Variants in CIB4 observed in about 807,000 individuals in gnomAD.
CIB4 encodes calcium and integrin-binding family member 4.
Under a neutral mutation model 25.8 loss-of-function variants are expected in CIB4, and 25 were observed. That is an observed-to-expected ratio of 0.97 (90% CI 0.71 to 1.35). CIB4 has a LOEUF of 1.35. CIB4 is among the 40% of genes most tolerant of loss of function. CIB4 has a pLI of 0.00. For missense variants in CIB4, 235 were observed against 228.2 expected (o/e 1.03, Z -0.19); for synonymous variants, 75 against 81.4 (o/e 0.92, Z 0.42).
chr2:26,588,959 C>A lies in CIB4; in HGVS notation c.329-5061G>T. Among the ~76,000 whole-genome samples, 2 of 150,708 alleles carry A rather than the reference C, an allele frequency of 1.3e-5. 1 individual carries two copies. The highest frequency in any genetic ancestry group is 3.0e-5 in the Non-Finnish European group (2 of 67,738). ...GTGTGGCTGTCCCTGCTGGCTGCTGCCGCTGCTGCCGCTTCTTCTTTCTTC... is the reference window on the plus strand; with the variant it reads ...GTGTGGCTGTCCCTGCTGGCTGCTGACGCTGCTGCCGCTTCTTCTTTCTTC... On this transcript the variant is annotated intron_variant, in intron 4 of 6. Transcript: ENST00000288861.
chr2:26,588,983 T>C (rs1325294131), intron 4 of CIB4, among the ~76,000 whole-genome samples: 4 of 7,502 alleles, frequency 5.3e-4, no homozygotes, highest in Admixed American at 2.8e-3. Flanking sequence ...TCTTCTTTCT[T>C]CTTCTTCTTC....
intron 2 of CIB4, among the ~76,000 whole-genome samples, chr2:26,635,413 C>A (rs1669513659): frequency 6.6e-6 from 1 of 152,186 alleles, no homozygotes; most frequent in Admixed American, 6.5e-5. Flanking sequence ...AGCCAGCCTC[C>A]CTGCAAAGGT....
intron 3 of CIB4, among the ~76,000 whole-genome samples, chr2:26,611,560 A>G (rs1280608084): frequency 1.3e-5 from 2 of 152,232 alleles, no homozygotes; most frequent in Non-Finnish European, 2.9e-5. Flanking sequence ...TTATCATTTT[A>G]ATGATTGCGT....
At chr2:26,584,238 G>C (rs980836082) in intron 4 of CIB4, among the ~76,000 whole-genome samples, 1 of 152,186 alleles carries the variant, frequency 6.6e-6, no homozygotes, top group Non-Finnish European at 1.5e-5. Context: ...TGCAGCACCA[G>C]GAAGTGGAAG....
chr2:26,593,357 T>C (rs1290235165), intron 4 of CIB4, among the ~76,000 whole-genome samples: 2 of 151,656 alleles, frequency 1.3e-5, no homozygotes, highest in African/African-American at 2.4e-5. Flanking sequence ...CATATATACA[T>C]ATACATATAT....
At position 26,624,523 on chromosome 2, in the gene CIB4, G is replaced by A. The variant is rs1026411997; in HGVS notation, c.186+4887C>T. On this transcript the variant is annotated intron_variant, in intron 3 of 6. Transcript: ENST00000288861. ...CAAACGGAGAACAATACGGACAAAA[G>A]GGGGTGTGTCTGAAAACACTCGAGG... Among the ~76,000 whole-genome samples, 25 of 152,236 alleles carry A rather than the reference G, an allele frequency of 1.6e-4. 1 individual carries two copies. The East Asian group carries it at 4.4e-3, about 27-fold the overall frequency.
At chr2:26,583,380 C>T (rs537966251) in intron 5 of CIB4, among the ~76,000 whole-genome samples, 1 of 152,150 alleles carries the variant, frequency 6.6e-6, no homozygotes. Context: ...CTCCAGGACA[C>T]CTGGGCACTG....
At chr2:26,589,250 T>C (rs1021959831) in intron 4 of CIB4, among the ~76,000 whole-genome samples, 4 of 146,424 alleles carry the variant, frequency 2.7e-5, no homozygotes, top group African/African-American at 1.0e-4. Flanking sequence ...TACTTCTCCT[T>C]CCTCCTATTC....
intron 3 of CIB4, among the ~76,000 whole-genome samples, chr2:26,601,231 A>AAAAAAAAAATATATAT (rs1395827334): frequency 1.2e-4 from 2 of 17,234 alleles, no homozygotes; most frequent in African/African-American, 1.5e-4. Flanking sequence ...AAAAAAAAAA[A>AAAAAAAAAATATATAT]ATATATATAT....
At chr2:26,601,845 C>T (rs1005731500) in intron 3 of CIB4, among the ~76,000 whole-genome samples, 8 of 152,108 alleles carry the variant, frequency 5.3e-5, no homozygotes, top group East Asian at 1.9e-4. Flanking sequence ...AATGAAACAA[C>T]GTGGATGATT....
At chr2:26,589,803 G>A (rs1043856206) in intron 4 of CIB4, among the ~76,000 whole-genome samples, 2 of 152,154 alleles carry the variant, frequency 1.3e-5, no homozygotes, top group African/African-American at 2.4e-5. Context: ...CAAAAATGCC[G>A]GGTGGGGCTT....
chr2:26,638,813 G>T (rs774796295), intron 2 of CIB4, among the ~76,000 whole-genome samples: 1 of 152,102 alleles, frequency 6.6e-6, no homozygotes, highest in Non-Finnish European at 1.5e-5. Flanking sequence ...TTTGCCGGGC[G>T]TGGTGGCAGG....
In CIB4 at chr2:26,583,818, C is replaced by T. The variant is rs187789006; in HGVS notation, c.409G>A (p.Glu137Lys). The change falls in exon 5 of 7, where the codon GAG (glutamate) becomes AAG (lysine). Residue 137 changes from glutamate (E) to lysine (K), a missense_variant. Physicochemically the swap from Glu to Lys is moderately conservative, Grantham distance 56 (BLOSUM62 1). Transcript: ENST00000288861. ...TTCGTGAGGTCCATCAGGAGGTCCTCAGACATGTCATCACTGTTCAGCAGT... is the reference window on the plus strand; with the variant it reads ...TTCGTGAGGTCCATCAGGAGGTCCTTAGACATGTCATCACTGTTCAGCAGT... ...LRLLNSDDMS[E>K]DLLMDLTNHV... 1.2e-4 allele frequency: 198 copies of T among 1,612,452 alleles called. 1 individual carries two copies. The East Asian group carries it at 3.7e-3, about 30-fold the overall frequency.
intron 3 of CIB4, among the ~76,000 whole-genome samples, chr2:26,615,565 A>G (rs1184219056): frequency 1.6e-5 from 2 of 123,682 alleles, no homozygotes; most frequent in East Asian, 4.3e-4. Flanking sequence ...TGGGAAAGCT[A>G]AAACTAGAGC....
intron 3 of CIB4, among the ~76,000 whole-genome samples, chr2:26,620,367 C>A (rs1239660364): frequency 6.6e-6 from 1 of 152,206 alleles, no homozygotes; most frequent in African/African-American, 2.4e-5. Flanking sequence ...GTTCTAGACA[C>A]CCCCACCCCC....
rs1031678976 is a variant in CIB4 at position 26,589,126 on chromosome 2, T to C, written c.329-5228A>G. Among the ~76,000 whole-genome samples, 8 of 136,986 alleles carry C rather than the reference T, an allele frequency of 5.8e-5. No homozygotes were observed. In the East Asian group the frequency reaches 1.3e-3, roughly 22 times the overall value. 89.9% of individuals were successfully genotyped at this position (136,986 alleles called of 152,430 possible). A position where few individuals can be genotyped will look rare whatever the true frequency, so the allele number is the denominator to read the frequency against. On this transcript the variant is annotated intron_variant, in intron 4 of 6. Coordinates refer to ENST00000288861, the MANE Select transcript of CIB4 (RefSeq NM_001029881.3). The stretch of plus-strand genomic sequence containing the variant: ...CTTCTTCCTCTTCTTCTTCTTCTTC[T>C]TCTTCTTCTTCTTCTCCTTCCCCTT...
At chr2:26,608,283 G>A (rs1016694267) in intron 3 of CIB4, among the ~76,000 whole-genome samples, 49 of 151,704 alleles carry the variant, frequency 3.2e-4, no homozygotes, top group Admixed American at 3.0e-3. Flanking sequence ...TGAGAAGGGG[G>A]TGAGAAGGGG....
chr2:26,584,496 C>T (rs747955795), intron 4 of CIB4, among the ~76,000 whole-genome samples: 3 of 152,208 alleles, frequency 2.0e-5, no homozygotes, highest in Non-Finnish European at 4.4e-5. Context: ...GACAATGGTC[C>T]TTGTAGACTG....
intron 3 of CIB4, among the ~76,000 whole-genome samples, chr2:26,617,147 T>TGTGTGTGTGTGTGTGTGTGCGC (rs10665609): frequency 8.0e-5 from 12 of 150,532 alleles, no homozygotes; most frequent in African/African-American, 2.9e-4. Flanking sequence ...TGTGTGTGTG[T>TGTGTGTGTGTGTGTGTGTGCGC]GCACGTGAGC....
Sources: gnomAD v4.1 joint callset for allele counts (sites outside exome capture counted in the v4.1 genomes callset) on GRCh38, gnomAD v4.1.1 for gene constraint, MANE v1.5 for transcripts, NCBI Gene and HGNC (gene_info 2026-07-23, HGNC 2026-07-21) for gene names.